Variants in ZNF385D observed in about 807,000 individuals in gnomAD.
ZNF385D encodes zinc finger protein 385D.
In ZNF385D, 15 loss-of-function variants were observed where a neutral mutation model predicts 35.8. The ratio of observed to expected loss-of-function variants is 0.42; its 90% CI spans 0.28 to 0.64. ZNF385D has a LOEUF of 0.64. Ranked by LOEUF, ZNF385D falls within the 30% of genes least tolerant of loss-of-function variation. ZNF385D has a pLI of 0.23. For synonymous variants in ZNF385D, 212 were observed against 186.8 expected (o/e 1.13, Z -1.10); for missense variants, 474 against 494.6 (o/e 0.96, Z 0.39).
intron 2 of ZNF385D, among the ~76,000 whole-genome samples, chr3:22,283,859 A>G (rs1451003462): frequency 6.6e-6 from 1 of 152,160 alleles, no homozygotes; most frequent in African/African-American, 2.4e-5. Context: ...GGAAGAAAGA[A>G]ATCTCTTAAC....
intron 1 of ZNF385D, among the ~76,000 whole-genome samples, chr3:21,665,338 A>G (rs898250467): frequency 3.9e-5 from 6 of 152,158 alleles, no homozygotes; most frequent in Non-Finnish European, 5.9e-5. Flanking sequence ...CAAATCTGCA[A>G]CCAAGATCTC....
At chr3:21,982,518 G>A (rs1328100202) in intron 3 of ZNF385D, among the ~76,000 whole-genome samples, 1 of 152,106 alleles carries the variant, frequency 6.6e-6, no homozygotes, top group Non-Finnish European at 1.5e-5. Context: ...ATATAATCAT[G>A]TTGTCTGCAA....
chr3:21,685,456 C>G (rs1349903971), intron 1 of ZNF385D, among the ~76,000 whole-genome samples: 1 of 152,194 alleles, frequency 6.6e-6, no homozygotes, highest in Non-Finnish European at 1.5e-5. Context: ...ATTCAAATCT[C>G]TACATCTCTC....
intron 2 of ZNF385D, among the ~76,000 whole-genome samples, chr3:22,273,610 A>G (rs1701284663): frequency 6.6e-6 from 1 of 152,036 alleles, no homozygotes; most frequent in Non-Finnish European, 1.5e-5. Context: ...ACAATTTTCC[A>G]ACAAAAAGGG....
At chr3:21,996,250 C>A (rs1242590334) in intron 3 of ZNF385D, among the ~76,000 whole-genome samples, 1 of 152,122 alleles carries the variant, frequency 6.6e-6, no homozygotes, top group Non-Finnish European at 1.5e-5. Flanking sequence ...AGGGACTCTT[C>A]CATGGTTGGG....
chr3:22,138,689 T>C (rs1282580028), intron 3 of ZNF385D, among the ~76,000 whole-genome samples: 1 of 152,080 alleles, frequency 6.6e-6, no homozygotes, highest in Non-Finnish European at 1.5e-5. Context: ...AAGACTTACA[T>C]GTTAGACCTA....
intron 3 of ZNF385D, among the ~76,000 whole-genome samples, chr3:21,838,780 C>A (rs1402555315): frequency 6.6e-6 from 1 of 151,966 alleles, no homozygotes; most frequent in Non-Finnish European, 1.5e-5. Flanking sequence ...ATATATCATC[C>A]AGTAACTATA....
At chr3:21,760,751 G>C (rs1279624678) in intron 3 of ZNF385D, among the ~76,000 whole-genome samples, 1 of 152,106 alleles carries the variant, frequency 6.6e-6, no homozygotes. Flanking sequence ...CTGACTACTA[G>C]AAAGCAGCTT....
At chr3:22,324,249 T>C (rs143918915) in intron 2 of ZNF385D, among the ~76,000 whole-genome samples, 1 of 152,298 alleles carries the variant, frequency 6.6e-6, no homozygotes, top group East Asian at 1.9e-4. Context: ...ATAATATTGA[T>C]AATTAATGTA....
At chr3:22,121,928 T>G (rs2125666994) in intron 3 of ZNF385D, among the ~76,000 whole-genome samples, 1 of 152,212 alleles carries the variant, frequency 6.6e-6, no homozygotes, top group African/African-American at 2.4e-5. Flanking sequence ...GGGGCTAATC[T>G]TAAGACAGAC....
At chr3:21,886,591 G>A (rs1452831898) in intron 3 of ZNF385D, among the ~76,000 whole-genome samples, 1 of 152,008 alleles carries the variant, frequency 6.6e-6, no homozygotes, top group Non-Finnish European at 1.5e-5. Flanking sequence ...TATGAGTCTT[G>A]TTCAGGCCTA....
intron 3 of ZNF385D, among the ~76,000 whole-genome samples, chr3:21,883,327 C>A (rs1319675366): frequency 6.6e-6 from 1 of 151,816 alleles, no homozygotes; most frequent in Non-Finnish European, 1.5e-5. Context: ...CATAAACCAA[C>A]AAATTTCTTT....
At chr3:21,654,578 A>G (rs2066017060) in intron 2 of ZNF385D, among the ~76,000 whole-genome samples, 1 of 152,032 alleles carries the variant, frequency 6.6e-6, no homozygotes, top group South Asian at 2.1e-4. Flanking sequence ...AACATACAAC[A>G]AACAGAGCAG....
chr3:21,467,618 T>C (rs919488518), intron 4 of ZNF385D, among the ~76,000 whole-genome samples: 25 of 152,322 alleles, frequency 1.6e-4, no homozygotes, highest in African/African-American at 5.8e-4. Flanking sequence ...CTGGTGTCAA[T>C]GGCATCTTTT....
chr3:22,327,136 T>C (rs753989875), intron 2 of ZNF385D, among the ~76,000 whole-genome samples: 3 of 152,164 alleles, frequency 2.0e-5, no homozygotes, highest in African/African-American at 2.4e-5. Context: ...TCGGAAAGTT[T>C]TGTTCTTTTT....
Position 21,880,172 on chromosome 3 carries a change from C to CA in ZNF385D, c.326-215145dup, listed in dbSNP as rs920805852. On this transcript the variant is annotated intron_variant, in intron 3 of 5. Transcript: ENST00000494108. ...TGACTATAAAAGAATGATTTTGTTA[C>CA]AAAAAAAGTGATCTAGATCAGTAGG... Among the ~76,000 whole-genome samples the CA allele has an allele frequency of 9.2e-5, 14 of 151,680 alleles. No individual in the cohort carries two copies. In the South Asian group the frequency reaches 2.5e-3, roughly 27 times the overall value.
At chr3:21,658,333 G>T (rs137861747) in intron 2 of ZNF385D, among the ~76,000 whole-genome samples, 6 of 152,118 alleles carry the variant, frequency 3.9e-5, no homozygotes, top group African/African-American at 1.4e-4. Context: ...TAAAATTACA[G>T]ATGCAAATTA....
intron 4 of ZNF385D, chr3:21,443,180 TGGGTA>T: frequency 1.0e-6 from 1 of 985,350 alleles, no homozygotes; most frequent in Non-Finnish European, 1.2e-6. Flanking sequence ...GTACCTGATT[TGGGTA>T]GGTCCAGTCA....
At chr3:22,200,231 G>A (rs921302626) in intron 2 of ZNF385D, among the ~76,000 whole-genome samples, 4 of 152,012 alleles carry the variant, frequency 2.6e-5, no homozygotes, top group Admixed American at 2.6e-4. Flanking sequence ...GATTATCGGG[G>A]AACATGCCCC....
Sources: allele counts gnomAD v4.1 joint callset (sites outside exome capture counted in the v4.1 genomes callset), GRCh38; gene constraint gnomAD v4.1.1; transcripts MANE v1.5; gene names NCBI Gene and HGNC (gene_info 2026-07-23, HGNC 2026-07-21).